The following B4GALT1 variants were observed in gnomAD, a reference collection of about 807,000 sequenced individuals.
B4GALT1 encodes N-acetyllactosamine synthase.
Under a neutral mutation model 34.9 loss-of-function variants are expected in B4GALT1, and 16 were observed. That is an observed-to-expected ratio of 0.46 (90% CI 0.31 to 0.70). The LOEUF is 0.70. B4GALT1 is among the 30% of genes least tolerant of loss of function. B4GALT1 has a pLI of 0.05. For missense variants in B4GALT1, 445 were observed against 530.5 expected (o/e 0.84, Z 1.58); for synonymous variants, 221 against 218.1 (o/e 1.01, Z -0.12).
intron 2 of B4GALT1, among the ~76,000 whole-genome samples, chr9:33,126,660 G>GGTAA: frequency 6.7e-6 from 1 of 150,328 alleles, no homozygotes; most frequent in African/African-American, 2.4e-5. Flanking sequence ...GTTAACCATA[G>GGTAA]CAATATGGTA....
At chr9:33,117,002 G>A (rs1839949419) in intron 3 of B4GALT1, among the ~76,000 whole-genome samples, 1 of 152,190 alleles carries the variant, frequency 6.6e-6, no homozygotes, top group Admixed American at 6.5e-5. Context: ...GCCAGTCAGT[G>A]ACAAGAGCAG....
chr9:33,183,151 G>C, the B4GALT1 span, among the ~76,000 whole-genome samples: 1 of 152,126 alleles, frequency 6.6e-6, no homozygotes, highest in Non-Finnish European at 1.5e-5. Context: ...ACGAAATCTT[G>C]CCCTGTCCCT....
chr9:33,162,917 A>G (rs1402082543), intron 1 of B4GALT1, among the ~76,000 whole-genome samples: 1 of 152,182 alleles, frequency 6.6e-6, no homozygotes, highest in African/African-American at 2.4e-5. Flanking sequence ...GTATTTCTCA[A>G]TCTCAGACTG....
chr9:33,120,206 A>AG (rs1212432339), intron 3 of B4GALT1, among the ~76,000 whole-genome samples: 3 of 151,126 alleles, frequency 2.0e-5, no homozygotes, highest in African/African-American at 7.3e-5. Flanking sequence ...AAAAAAAAAA[A>AG]GGGGGGAAAA....
upstream of B4GALT1, among the ~76,000 whole-genome samples, chr9:33,167,514 G>T (rs1180933748): frequency 6.6e-6 from 1 of 152,198 alleles, no homozygotes; most frequent in Non-Finnish European, 1.5e-5. Context: ...GCGCCGTCGT[G>T]GGGTCCCCGG....
chr9:33,165,484 T>C, intron 1 of B4GALT1, among the ~76,000 whole-genome samples: 1 of 152,176 alleles, frequency 6.6e-6, no homozygotes, highest in East Asian at 1.9e-4. Flanking sequence ...TTTAATTATC[T>C]GCTTAAAAAA....
At chr9:33,174,976 AAAAAAAAAAAAAAAATATATATAT>A in the B4GALT1 span, among the ~76,000 whole-genome samples, 1 of 21,224 alleles carries the variant, frequency 4.7e-5, no homozygotes, top group Non-Finnish European at 1.2e-4. Flanking sequence ...AAAAAAAAAA[AAAAAAAAAAAAAAAATATATATAT>A]ATATATATAT....
In B4GALT1 at chr9:33,113,267, T is replaced by G; in HGVS notation, c.*187A>C. ...CACCTTGCAGAGCTAAGAATTCACA[T>G]GCCGAGCCAAGTTGGGGGCAAAATA... is the stretch of plus-strand genomic sequence containing the variant. On this transcript the variant is annotated 3_prime_UTR_variant, in exon 6 of 6. Transcript: ENST00000379731. 1 of 781,742 alleles carries G rather than the reference T, an allele frequency of 1.3e-6. No homozygotes were observed. The highest frequency in any genetic ancestry group is 2.1e-6 in the Non-Finnish European group (1 of 468,164). 48.4% of individuals were successfully genotyped at this position (781,742 alleles called of 1,614,324 possible). A position where few individuals can be genotyped will look rare whatever the true frequency, so the allele number is the denominator to read the frequency against.
At chr9:33,106,058 C>T (rs1839794449), downstream of B4GALT1, among the ~76,000 whole-genome samples, 1 of 151,970 alleles carries the variant, frequency 6.6e-6, no homozygotes, top group South Asian at 2.1e-4. Context: ...ATAGGGGTTC[C>T]ACCATTTTAC....
At chr9:33,133,691 C>T (rs554217345) in intron 2 of B4GALT1, among the ~76,000 whole-genome samples, 2 of 152,302 alleles carry the variant, frequency 1.3e-5, no homozygotes, top group East Asian at 3.9e-4. Flanking sequence ...CTGTACCTCA[C>T]TTGGCCGAAG....
At chr9:33,125,766 T>C (rs1840083430) in intron 2 of B4GALT1, among the ~76,000 whole-genome samples, 1 of 152,158 alleles carries the variant, frequency 6.6e-6, no homozygotes, top group African/African-American at 2.4e-5. Context: ...AGGGGACAGA[T>C]GACCAACTAC....
intron 2 of B4GALT1, among the ~76,000 whole-genome samples, chr9:33,130,148 C>A (rs1321100158): frequency 6.6e-6 from 1 of 152,132 alleles, no homozygotes; most frequent in African/African-American, 2.4e-5. Flanking sequence ...TTGTGACAAA[C>A]CCACCTGGCC....
intron 3 of B4GALT1, 84 bp downstream of exon 3, chr9:33,120,335 A>G: frequency 6.7e-7 from 1 of 1,483,454 alleles, no homozygotes. Context: ...TTAAAGAGGC[A>G]CTCTTGAGCT....
At chr9:33,183,773 A>T in the B4GALT1 span, among the ~76,000 whole-genome samples, 2 of 151,804 alleles carry the variant, frequency 1.3e-5, no homozygotes, top group South Asian at 4.2e-4. Context: ...CCTAAAACTT[A>T]AAGTATAATA....
chr9:33,183,705 C>T, the B4GALT1 span, among the ~76,000 whole-genome samples: 23 of 149,714 alleles, frequency 1.5e-4, no homozygotes, highest in African/African-American at 3.9e-4. Context: ...GTGGGTGCAG[C>T]GCACCAGCGT....
At chr9:33,183,543 G>C in the B4GALT1 span, among the ~76,000 whole-genome samples, 121,048 of 132,266 alleles carry the variant, frequency 0.92, 55,385 homozygotes, top group Middle Eastern at 0.97. Context: ...AACAAAAAAC[G>C]AAACACCGCA....
At chr9:33,148,804 T>TAAAA (rs72391353) in intron 1 of B4GALT1, among the ~76,000 whole-genome samples, 4,392 of 127,638 alleles carry the variant, frequency 0.034, 114 homozygotes, top group Non-Finnish European at 0.046. Context: ...TGCCTAAAAG[T>TAAAA]AAAAAAAAAA....
chr9:33,155,728 G>A (rs1049814404), intron 1 of B4GALT1, among the ~76,000 whole-genome samples: 13 of 152,204 alleles, frequency 8.5e-5, no homozygotes, highest in Admixed American at 7.2e-4. Flanking sequence ...CCCCAAGGCA[G>A]ATGAAAACCT....
intron 2 of B4GALT1, among the ~76,000 whole-genome samples, chr9:33,120,996 A>G (rs1362132908): frequency 6.6e-6 from 1 of 152,276 alleles, no homozygotes; most frequent in Non-Finnish European, 1.5e-5. Context: ...ATTTAAACAC[A>G]TACATCATTT....
Sources: allele counts gnomAD v4.1 joint callset (sites outside exome capture counted in the v4.1 genomes callset), GRCh38; gene constraint gnomAD v4.1.1; transcripts MANE v1.5; gene names NCBI Gene and HGNC (gene_info 2026-07-23, HGNC 2026-07-21).